CEP63: variants seen among roughly 807,000 people sequenced by gnomAD.
CEP63 encodes centrosomal protein of 63 kDa.
A neutral mutation model predicts 89.1 loss-of-function variants in CEP63; 84 were observed. The ratio of observed to expected loss-of-function variants is 0.94; its 90% CI spans 0.79 to 1.13. The LOEUF (loss-of-function observed/expected upper bound fraction) is 1.13. CEP63 is among the 50% of genes most tolerant of loss of function. The probability of loss-of-function intolerance (pLI) is 0.00; values close to 1 mark genes in which losing one functional copy is unlikely to be tolerated. For synonymous variants in CEP63, 267 were observed against 272.5 expected (o/e 0.98, Z 0.20); for missense variants, 838 against 813.3 (o/e 1.03, Z -0.37).
the CEP63 span, among the ~76,000 whole-genome samples, chr3:134,766,417 G>T: frequency 6.6e-5 from 10 of 152,342 alleles, no homozygotes; most frequent in South Asian, 2.1e-3. Context: ...GTACTTCCCT[G>T]CCTCCTCCAA....
chr3:134,665,189 C>T, the CEP63 span, among the ~76,000 whole-genome samples: 1 of 152,134 alleles, frequency 6.6e-6, no homozygotes, highest in Non-Finnish European at 1.5e-5. Context: ...GGGAATGGGT[C>T]CAGGGCATCT....
the CEP63 span, chr3:134,607,991 T>C: frequency 9.7e-7 from 1 of 1,029,400 alleles, no homozygotes; most frequent in Non-Finnish European, 1.2e-6. Flanking sequence ...GTCTAGCTAC[T>C]AGGCCTGTTC....
chr3:134,536,764 A>G (rs1950849636), intron 5 of CEP63: 1 of 299,234 alleles, frequency 3.3e-6, no homozygotes, highest in African/African-American at 2.2e-5. Flanking sequence ...GATATCAAGA[A>G]TTTGGATAGC....
chr3:134,643,706 T>A, the CEP63 span, among the ~76,000 whole-genome samples: 5 of 152,180 alleles, frequency 3.3e-5, no homozygotes, highest in Non-Finnish European at 7.3e-5. Context: ...CAGGCACAGT[T>A]TCAAAAGCAC....
chr3:134,583,199 C>T (rs1958403570), intron 10 of CEP63, among the ~76,000 whole-genome samples: 1 of 152,250 alleles, frequency 6.6e-6, no homozygotes, highest in Admixed American at 6.5e-5. Flanking sequence ...TCCCATTTTT[C>T]TATTTTGGCT....
the CEP63 span, chr3:134,620,862 G>A: frequency 6.3e-7 from 1 of 1,592,370 alleles, no homozygotes; most frequent in Non-Finnish European, 8.6e-7. Context: ...TGTCACCTGG[G>A]GAGCAGGAAG....
chr3:134,590,449 C>A (rs1245360044), downstream of CEP63, among the ~76,000 whole-genome samples: 2 of 152,038 alleles, frequency 1.3e-5, no homozygotes, highest in Non-Finnish European at 2.9e-5. Context: ...ACCACATTAT[C>A]AAAAATATAC....
At chr3:134,727,309 T>A in the CEP63 span, among the ~76,000 whole-genome samples, 62 of 152,280 alleles carry the variant, frequency 4.1e-4, 1 homozygote, top group Admixed American at 1.7e-3. Flanking sequence ...GATTTAATAG[T>A]GTTAGTGCAA....
At chr3:134,672,273 A>T in the CEP63 span, among the ~76,000 whole-genome samples, 1 of 152,210 alleles carries the variant, frequency 6.6e-6, no homozygotes, top group African/African-American at 2.4e-5. Context: ...TATTCTGAGG[A>T]ATAAATGAGA....
chr3:134,765,653 GA>G, the CEP63 span, among the ~76,000 whole-genome samples: 1 of 152,228 alleles, frequency 6.6e-6, no homozygotes, highest in Non-Finnish European at 1.5e-5. Context: ...ATGGAAACTG[GA>G]AGGAGTTCAG....
the CEP63 span, among the ~76,000 whole-genome samples, chr3:134,737,483 T>A: frequency 2.6e-5 from 4 of 152,000 alleles, no homozygotes; most frequent in East Asian, 7.7e-4. Context: ...AAGATATAAA[T>A]AAGTAATTTA....
At chr3:134,494,098 A>ATTTG (rs1393871869) in intron 1 of CEP63, among the ~76,000 whole-genome samples, 2 of 23,678 alleles carry the variant, frequency 8.4e-5, no homozygotes, top group Non-Finnish European at 2.2e-4. Context: ...TTTTATATTT[A>ATTTG]TTTATTTATT....
chr3:134,743,174 G>T, the CEP63 span, among the ~76,000 whole-genome samples: 307 of 152,306 alleles, frequency 2.0e-3, no homozygotes, highest in Non-Finnish European at 3.6e-3. Flanking sequence ...GGACCAGCTT[G>T]CCATGAATCC....
the CEP63 span, among the ~76,000 whole-genome samples, chr3:134,716,730 AC>A: frequency 1.2e-4 from 18 of 151,698 alleles, no homozygotes; most frequent in Admixed American, 4.6e-4. Context: ...CACAACAGCC[AC>A]CCCCCCAATC....
chr3:134,753,406 G>A, the CEP63 span, among the ~76,000 whole-genome samples: 1,382 of 152,258 alleles, frequency 9.1e-3, 17 homozygotes, highest in African/African-American at 0.03. Flanking sequence ...GGCCGAAAGT[G>A]CACAAATGCC....
chr3:134,692,327 T>C, the CEP63 span, among the ~76,000 whole-genome samples: 1 of 151,726 alleles, frequency 6.6e-6, no homozygotes, highest in Admixed American at 6.6e-5. Flanking sequence ...TTCTCATTGT[T>C]CAATTCCCAC....
the CEP63 span, chr3:134,755,601 A>T: frequency 1.3e-5 from 2 of 152,296 alleles, no homozygotes; most frequent in East Asian, 3.9e-4. Context: ...AGCCTTGCTC[A>T]AGGTGCCTCT....
intron 10 of CEP63, among the ~76,000 whole-genome samples, chr3:134,549,427 T>C (rs1156611486): frequency 6.6e-6 from 1 of 152,188 alleles, no homozygotes; most frequent in Non-Finnish European, 1.5e-5. Flanking sequence ...AAACTTTATT[T>C]TAAACATGTT....
At chr3:134,775,757 C>T in the CEP63 span, among the ~76,000 whole-genome samples, 17 of 152,120 alleles carry the variant, frequency 1.1e-4, no homozygotes, top group Admixed American at 1.0e-3. Flanking sequence ...TTTGTCCATC[C>T]GATTGCAGGG....
Sources: allele counts gnomAD v4.1 joint callset (sites outside exome capture counted in the v4.1 genomes callset), GRCh38; gene constraint gnomAD v4.1.1; transcripts MANE v1.5; gene names NCBI Gene and HGNC (gene_info 2026-07-23, HGNC 2026-07-21).